DLGAP2: variants seen among roughly 807,000 people sequenced by gnomAD.
The protein encoded by DLGAP2 is DLG associated protein 2.
In DLGAP2, 26 loss-of-function variants were observed where a neutral mutation model predicts 100.3. The observed-to-expected ratio is 0.26, with a 90% CI of 0.19 to 0.36. DLGAP2 has a LOEUF of 0.36. DLGAP2 is among the 10% of genes least tolerant of loss of function. The probability of loss-of-function intolerance (pLI) is 1.00; values close to 1 mark genes in which losing one functional copy is unlikely to be tolerated. For missense variants in DLGAP2, 1,858 were observed against 1,453.2 expected, an observed-to-expected ratio of 1.28 and a Z score of -4.53; for synonymous variants, 886 against 630.1, an observed-to-expected ratio of 1.41 and a Z score of -6.08.
intron 6 of DLGAP2, among the ~76,000 whole-genome samples, chr8:1,571,969 C>T (rs1450359238): frequency 3.0e-4 from 30 of 98,478 alleles, no homozygotes; most frequent in East Asian, 6.9e-4. Flanking sequence ...ACTGTGGGGG[C>T]GTCTGATGAG....
intron 2 of DLGAP2, among the ~76,000 whole-genome samples, chr8:1,061,362 G>A (rs887843857): frequency 1.6e-4 from 24 of 152,180 alleles, no homozygotes; most frequent in African/African-American, 5.8e-4. Context: ...CCTGGGCGGT[G>A]TGGAAGCTGA....
intron 2 of DLGAP2, among the ~76,000 whole-genome samples, chr8:1,055,637 A>C (rs1330916831): frequency 6.6e-6 from 1 of 152,202 alleles, no homozygotes; most frequent in East Asian, 1.9e-4. Flanking sequence ...AGGACGCTGG[A>C]AACAGCCGTC....
chr8:1,316,348 T>C (rs1005805063), intron 3 of DLGAP2, among the ~76,000 whole-genome samples: 1 of 137,426 alleles, frequency 7.3e-6, no homozygotes, highest in Non-Finnish European at 1.6e-5. Context: ...CCTGTGCGAG[T>C]GCAGCGTCTC....
At chr8:970,756 G>A (rs1445638606) in intron 2 of DLGAP2, among the ~76,000 whole-genome samples, 2 of 152,150 alleles carry the variant, frequency 1.3e-5, no homozygotes, top group East Asian at 3.9e-4. Context: ...CTAAATGGGT[G>A]ATAGAGACTT....
At chr8:1,487,490 ATTGAG>A (rs1799260764) in intron 3 of DLGAP2, among the ~76,000 whole-genome samples, 1 of 152,212 alleles carries the variant, frequency 6.6e-6, no homozygotes, top group Non-Finnish European at 1.5e-5. Context: ...CCTGTAATTG[ATTGAG>A]TTGATTCCAT....
At chr8:1,496,586 C>T (rs1406396423) in intron 3 of DLGAP2, among the ~76,000 whole-genome samples, 1 of 152,158 alleles carries the variant, frequency 6.6e-6, no homozygotes, top group Non-Finnish European at 1.5e-5. Context: ...AAACGTGGCG[C>T]ACCCAGCACA....
At chr8:1,614,824 ACACACACATGCATTGCACGTG>A (rs71952078) in intron 6 of DLGAP2, among the ~76,000 whole-genome samples, 5,243 of 152,294 alleles carry the variant, frequency 0.034, 317 homozygotes, top group African/African-American at 0.12. Flanking sequence ...TGTGGAGCCC[ACACACACATGCATTGCACGTG>A]CACACACGTG....
At chr8:1,198,756 C>G (rs549969540) in intron 2 of DLGAP2, among the ~76,000 whole-genome samples, 1 of 152,212 alleles carries the variant, frequency 6.6e-6, no homozygotes, top group African/African-American at 2.4e-5. Flanking sequence ...TTTGGCAAGA[C>G]CACACCTGAA....
chr8:1,130,012 G>A (rs1035106302), intron 2 of DLGAP2, among the ~76,000 whole-genome samples: 9 of 152,304 alleles, frequency 5.9e-5, no homozygotes, highest in East Asian at 1.9e-4. Context: ...GGGATCCTGC[G>A]CGTGTAGCTC....
intron 1 of DLGAP2, among the ~76,000 whole-genome samples, chr8:764,251 A>G (rs1821154973): frequency 6.6e-6 from 1 of 152,174 alleles, no homozygotes; most frequent in Non-Finnish European, 1.5e-5. Flanking sequence ...GCTTCTCACT[A>G]CCCAGAGGTG....
chr8:1,426,098 G>A (rs976922015), intron 3 of DLGAP2, among the ~76,000 whole-genome samples: 1 of 152,180 alleles, frequency 6.6e-6, no homozygotes, highest in Non-Finnish European at 1.5e-5. Context: ...AAGCGTCAGG[G>A]TAGGGCAAGA....
At chr8:1,061,786 C>A (rs112127589) in intron 2 of DLGAP2, among the ~76,000 whole-genome samples, 1 of 151,916 alleles carries the variant, frequency 6.6e-6, no homozygotes, top group African/African-American at 2.4e-5. Flanking sequence ...GAGCCATTTC[C>A]GTGGAGGGCT....
At chr8:1,665,090 G>A (rs908321892) in intron 8 of DLGAP2, among the ~76,000 whole-genome samples, 4 of 152,152 alleles carry the variant, frequency 2.6e-5, no homozygotes, top group African/African-American at 9.7e-5. Context: ...ACATTATAAA[G>A]TGAGAAGATG....
intron 2 of DLGAP2, among the ~76,000 whole-genome samples, chr8:949,683 C>T (rs1799427035): frequency 6.6e-6 from 1 of 152,316 alleles, no homozygotes; most frequent in East Asian, 1.9e-4. Context: ...CGTTCCCACC[C>T]CCCTTGCAGT....
At chr8:1,226,597 T>G (rs1798420991) in intron 2 of DLGAP2, among the ~76,000 whole-genome samples, 1 of 152,154 alleles carries the variant, frequency 6.6e-6, no homozygotes. Flanking sequence ...CTGAATGTCG[T>G]GTACATGTAT....
At chr8:1,113,363 C>T (rs1041316017) in intron 2 of DLGAP2, among the ~76,000 whole-genome samples, 4 of 152,174 alleles carry the variant, frequency 2.6e-5, no homozygotes, top group Admixed American at 6.5e-5. Context: ...TTTGTGCATT[C>T]TCAGATTTCT....
At chr8:1,287,157 TGC>T (rs1259394109) in intron 3 of DLGAP2, among the ~76,000 whole-genome samples, 274 of 99,182 alleles carry the variant, frequency 2.8e-3, no homozygotes, top group African/African-American at 4.6e-3. Flanking sequence ...TGTGTGTGTG[TGC>T]GCGCGCGCGC....
At position 1,588,235 on chromosome 8, in the gene DLGAP2, A is replaced by G. The variant is rs569922952; in HGVS notation, c.1442+22341A>G. ...AAAATTCATGCAAGGCTTTCTGTTC[A>G]TGTCTCTTAATCTAATGGCTATTGA... On this transcript the variant is annotated intron_variant, in intron 6 of 14. Transcript: ENST00000637795. 1.8e-3 allele frequency among the ~76,000 whole-genome samples: 276 copies of G among 152,206 alleles called. 2 individuals carry two copies. The highest frequency in any genetic ancestry group is 2.2e-3 in the Non-Finnish European group (151 of 68,016).
chr8:1,594,867 A>C (rs993149964), intron 6 of DLGAP2, among the ~76,000 whole-genome samples: 2 of 152,144 alleles, frequency 1.3e-5, no homozygotes, highest in Non-Finnish European at 2.9e-5. Flanking sequence ...CCTGCCAGCC[A>C]TGCCCCCTGG....
Sources: allele counts gnomAD v4.1 joint callset (sites outside exome capture counted in the v4.1 genomes callset), GRCh38; gene constraint gnomAD v4.1.1; transcripts MANE v1.5; gene names NCBI Gene and HGNC (gene_info 2026-07-23, HGNC 2026-07-21).